Variants in DDX46 observed in about 807,000 individuals in gnomAD.
The protein encoded by DDX46 is DEAD-box helicase 46, also known as probable ATP-dependent RNA helicase DDX46.
DDX46 carries 30 observed loss-of-function variants against 134.9 expected under a neutral mutation model. That is an observed-to-expected ratio of 0.22 (90% CI 0.17 to 0.30). The LOEUF is 0.30. DDX46 is among the 10% of genes least tolerant of loss of function. The probability of loss-of-function intolerance (pLI) is 1.00; values close to 1 mark genes in which losing one functional copy is unlikely to be tolerated. For missense variants in DDX46, 622 were observed against 1,248.7 expected, an observed-to-expected ratio of 0.50 and a Z score of 7.56; for synonymous variants, 415 against 404.1, an observed-to-expected ratio of 1.03 and a Z score of -0.32.
chr5:134,761,306 T>G (rs1265320930), intron 1 of DDX46, among the ~76,000 whole-genome samples: 1 of 152,238 alleles, frequency 6.6e-6, no homozygotes, highest in Non-Finnish European at 1.5e-5. Context: ...ATTACAGGCA[T>G]GAGCCGCTGT....
chr5:134,798,805 G>C (rs1754742829), intron 15 of DDX46, among the ~76,000 whole-genome samples: 1 of 152,150 alleles, frequency 6.6e-6, no homozygotes, highest in Non-Finnish European at 1.5e-5. Flanking sequence ...TGTAGCATTT[G>C]TCAGATTTTC....
In DDX46 at chr5:134,773,571, A is replaced by G. The variant is rs182726383; in HGVS notation, c.448-125A>G. The G allele has an allele frequency of 2.0e-5, 21 of 1,033,466 alleles. No homozygotes were observed. The East Asian group carries it at 5.0e-4, about 25-fold the overall frequency. The allele number at this position is 1,033,466 out of a possible 1,614,324, so 64.0% of individuals were successfully genotyped here. A position where few individuals can be genotyped will look rare whatever the true frequency, so the allele number is the denominator to read the frequency against. On this transcript the variant is annotated intron_variant, in intron 4 of 22. Transcript: ENST00000452510. ...TAAGTCTACCCTGAGGGGTTTGTAT[A>G]TATGCCTTTTTTCCCCTTCTTTATA...
At chr5:134,768,930 C>T (rs1304203730) in intron 3 of DDX46, among the ~76,000 whole-genome samples, 1 of 152,046 alleles carries the variant, frequency 6.6e-6, no homozygotes, top group African/African-American at 2.4e-5. Flanking sequence ...TGGTGGCACA[C>T]ACCTGTGATC....
chr5:134,818,751 A>T, intron 20 of DDX46, 109 bp from the exon 21 acceptor site: 1 of 806,758 alleles, frequency 1.2e-6, no homozygotes, highest in Non-Finnish European at 1.8e-6. Flanking sequence ...AGAGAGAGAG[A>T]GAGAGACCAA....
At position 134,830,169 on chromosome 5, in the gene DDX46, G is replaced by GAAAAAAA. The variant is rs57416807; in HGVS notation, c.*1472_*1478dup. 8 of 55,272 alleles carry GAAAAAAA rather than the reference G, an allele frequency of 1.4e-4. No individual in the cohort carries two copies. Among genetic ancestry groups the GAAAAAAA allele is most frequent in the East Asian group, 9.4e-4 (2 of 2,128 alleles). The allele number at this position is 55,272 out of a possible 1,614,324, so 3.4% of individuals were successfully genotyped here. A position where few individuals can be genotyped will look rare whatever the true frequency, so the allele number is the denominator to read the frequency against. On this transcript the variant is annotated 3_prime_UTR_variant, in exon 23 of 23. Transcript: ENST00000452510. ...TTAAACCAACCACAGATCAAAAATA[G>GAAAAAAA]AAAAAAAAAAAAAAAGAAAAAAAGA...
intron 15 of DDX46, among the ~76,000 whole-genome samples, chr5:134,799,213 C>G (rs780616289): frequency 1.2e-4 from 18 of 151,968 alleles, no homozygotes; most frequent in Admixed American, 1.3e-4. Context: ...ACCCACACAT[C>G]AGTTTTTCTT....
Position 134,777,584 on chromosome 5 carries a change from T to A in DDX46, c.624T>A (p.Asp208Glu). The A allele has an allele frequency of 6.2e-7, 1 of 1,612,476 alleles. No homozygotes were observed. Among genetic ancestry groups the A allele is most frequent in the Non-Finnish European group, 8.5e-7 (1 of 1,179,724 alleles). Reference protein sequence around the residue: ...WSLEDDDDDEDDPAEAEKEGN... With the variant: ...WSLEDDDDDEEDPAEAEKEGN... Reference sequence around the variant, plus strand: ...ATTCTGGTATTTTAGATGACGAAGATGATCCTGCAGAAGCTGAAAAGGAGG... The same window carrying A: ...ATTCTGGTATTTTAGATGACGAAGAAGATCCTGCAGAAGCTGAAAAGGAGG... Residue 208 changes from aspartate (D) to glutamate (E), a missense_variant, in exon 6 of 23, where the codon GAT becomes GAA. By Grantham distance (45) the Asp-to-Glu change is conservative (BLOSUM62 2). Transcript: ENST00000452510.
At chr5:134,770,199 A>ATTT (rs368105956) in intron 3 of DDX46, among the ~76,000 whole-genome samples, 5 of 129,788 alleles carry the variant, frequency 3.9e-5, no homozygotes, top group Non-Finnish European at 4.9e-5. Context: ...GCCTGACCAA[A>ATTT]TTTTTTTTTT....
At chr5:134,774,941 G>A (rs939275937) in intron 5 of DDX46, among the ~76,000 whole-genome samples, 2 of 151,742 alleles carry the variant, frequency 1.3e-5, no homozygotes, top group African/African-American at 2.4e-5. Flanking sequence ...ATTCTCTTGC[G>A]CCTCAGCTTT....
intron 18 of DDX46, among the ~76,000 whole-genome samples, chr5:134,813,939 A>G (rs1755217890): frequency 6.6e-6 from 1 of 152,044 alleles, no homozygotes; most frequent in African/African-American, 2.4e-5. Context: ...TTCTTCTATT[A>G]GAAGGAAGTC....
intron 20 of DDX46, 82 bp downstream of exon 20, chr5:134,817,796 A>G: frequency 8.4e-7 from 1 of 1,190,346 alleles, no homozygotes; most frequent in South Asian, 1.5e-5. Flanking sequence ...AAAACCCATG[A>G]ACATTTTAAT....
At chr5:134,813,386 G>T (rs374217427) in intron 18 of DDX46, among the ~76,000 whole-genome samples, 1 of 152,186 alleles carries the variant, frequency 6.6e-6, no homozygotes, top group Non-Finnish European at 1.5e-5. Flanking sequence ...TTAGGCGCTC[G>T]TGAGATTGCA....
chr5:134,808,029 T>G (rs1354832228), intron 16 of DDX46, 88 bp downstream of exon 16: 9 of 1,226,762 alleles, frequency 7.3e-6, no homozygotes, highest in East Asian at 2.6e-5. Context: ...ATAGGAGTTA[T>G]GGAGACATTT....
intron 15 of DDX46, among the ~76,000 whole-genome samples, chr5:134,805,505 T>G (rs958960130): frequency 6.6e-6 from 1 of 151,568 alleles, no homozygotes; most frequent in Non-Finnish European, 1.5e-5. Flanking sequence ...ATTTAAAAAT[T>G]TCCTCAGTTC....
rs994319556 is a variant in DDX46, at chr5:134,769,313, G to A, written c.351-1590G>A. Reference sequence around the variant, plus strand: ...TAGTGTCATGGGATTAATTTTTTTCGTTATATTTTCAAGGTTTTTTTTTTT... The same window carrying A: ...TAGTGTCATGGGATTAATTTTTTTCATTATATTTTCAAGGTTTTTTTTTTT... On this transcript the variant is annotated intron_variant, in intron 3 of 22. Coordinates refer to ENST00000452510, the MANE Select transcript of DDX46 (RefSeq NM_001300860.2). Among the ~76,000 whole-genome samples the A allele has an allele frequency of 1.1e-4, 14 of 121,968 alleles. No individual in the cohort carries two copies. In the East Asian group the frequency reaches 2.7e-3, roughly 24 times the overall value. The allele number at this position is 121,968 out of a possible 152,430, so 80.0% of individuals were successfully genotyped here. A position where few individuals can be genotyped will look rare whatever the true frequency, so the allele number is the denominator to read the frequency against.
intron 14 of DDX46, among the ~76,000 whole-genome samples, 190 bp downstream of exon 14, chr5:134,795,204 G>GTTTTTTGTTTTT (rs1754615921): frequency 8.0e-6 from 1 of 125,754 alleles, no homozygotes; most frequent in African/African-American, 3.0e-5. Flanking sequence ...TAAAATGCTT[G>GTTTTTTGTTTTT]TTTTTTTTTT....
At chr5:134,818,735 GGAGAGAGAGAGA>G in intron 20 of DDX46, 113 bp from the exon 21 acceptor site, 1 of 514,674 alleles carries the variant, frequency 1.9e-6, no homozygotes, top group African/African-American at 2.0e-5. Flanking sequence ...ATATATATAT[GGAGAGAGAGAGA>G]GAGAGAGAGA....
intron 18 of DDX46, among the ~76,000 whole-genome samples, chr5:134,813,398 T>G (rs952259970): frequency 6.6e-6 from 1 of 152,208 alleles, no homozygotes; most frequent in Non-Finnish European, 1.5e-5. Flanking sequence ...GAGATTGCAG[T>G]CATCTGCAGG....
intron 15 of DDX46, among the ~76,000 whole-genome samples, chr5:134,807,478 A>G (rs1755026518): frequency 6.6e-6 from 1 of 152,162 alleles, no homozygotes; most frequent in Non-Finnish European, 1.5e-5. Flanking sequence ...TGGCTCCCAA[A>G]CAGGTTTAGA....
Sources: gnomAD v4.1 joint callset for allele counts (sites outside exome capture counted in the v4.1 genomes callset) on GRCh38, gnomAD v4.1.1 for gene constraint, MANE v1.5 for transcripts, NCBI Gene and HGNC (gene_info 2026-07-23, HGNC 2026-07-21) for gene names.